The following WWOX variants were observed in gnomAD, a reference collection of about 807,000 sequenced individuals.
WWOX encodes WW domain-containing oxidoreductase.
A neutral mutation model predicts 46.2 loss-of-function variants in WWOX; 69 were observed. The ratio of observed to expected loss-of-function variants is 1.49; its 90% CI spans 1.23 to 1.82. WWOX has a LOEUF of 1.82. WWOX is among the 40% of genes most tolerant of loss of function. The pLI is 0.00. For synonymous variants in WWOX, 359 were observed against 202.6 expected, an observed-to-expected ratio of 1.77 and a Z score of -6.56; for missense variants, 919 against 542.6, an observed-to-expected ratio of 1.69 and a Z score of -6.89.
At chr16:78,835,585 T>C (rs8048649) in intron 8 of WWOX, among the ~76,000 whole-genome samples, 5,175 of 152,270 alleles carry the variant, frequency 0.034, 287 homozygotes, top group African/African-American at 0.12. Flanking sequence ...TCAGACCTTA[T>C]AGCAGTCCTA....
chr16:78,740,682 G>A (rs2049199335), intron 8 of WWOX, among the ~76,000 whole-genome samples: 1 of 152,140 alleles, frequency 6.6e-6, no homozygotes, highest in Admixed American at 6.6e-5. Flanking sequence ...TGTTATGGCT[G>A]CCAGTTGGCC....
At chr16:78,248,529 C>T (rs2037888281) in intron 5 of WWOX, among the ~76,000 whole-genome samples, 1 of 152,006 alleles carries the variant, frequency 6.6e-6, no homozygotes, top group Non-Finnish European at 1.5e-5. Context: ...TGAGCTCAGT[C>T]GTTTGAGACC....
intron 8 of WWOX, among the ~76,000 whole-genome samples, chr16:78,503,284 T>C (rs2085114158): frequency 6.6e-6 from 1 of 152,176 alleles, no homozygotes; most frequent in Admixed American, 6.5e-5. Flanking sequence ...CATTTCATTT[T>C]CACTGAACTG....
At chr16:78,597,427 G>T (rs997540624) in intron 8 of WWOX, among the ~76,000 whole-genome samples, 1 of 152,176 alleles carries the variant, frequency 6.6e-6, no homozygotes, top group Admixed American at 6.5e-5. Flanking sequence ...GCCCGCATCA[G>T]TGGGCGTTTT....
In WWOX at chr16:78,459,954, G is replaced by A. The variant is rs144109643; in HGVS notation, c.1056+27202G>A. ...CGGGTAGTTAGGGCTACAGGCACACGCCAGCACACCCAGCTAATTTTTTGT... is the reference window on the plus strand; with the variant it reads ...CGGGTAGTTAGGGCTACAGGCACACACCAGCACACCCAGCTAATTTTTTGT... On this transcript the variant is annotated intron_variant, in intron 8 of 8. Transcript: ENST00000566780. Among the ~76,000 whole-genome samples the A allele has an allele frequency of 4.2e-4, 64 of 151,634 alleles. 1 individual carries two copies. The highest frequency in any genetic ancestry group is 1.4e-3 in the African/African-American group (58 of 41,416).
At chr16:78,494,487 C>T (rs974088514) in intron 8 of WWOX, among the ~76,000 whole-genome samples, 2 of 148,748 alleles carry the variant, frequency 1.3e-5, no homozygotes, top group Non-Finnish European at 3.0e-5. Context: ...CAAACACAAG[C>T]ATTAAGCAAA....
chr16:79,164,927 A>G (rs1220585891), intron 8 of WWOX, among the ~76,000 whole-genome samples: 1 of 152,166 alleles, frequency 6.6e-6, no homozygotes, highest in South Asian at 2.1e-4. Context: ...CAAAGTGTGC[A>G]TAAAGATACC....
chr16:78,196,120 A>G (rs529014932), intron 5 of WWOX, among the ~76,000 whole-genome samples: 23 of 152,316 alleles, frequency 1.5e-4, no homozygotes, highest in South Asian at 2.1e-4. Flanking sequence ...GGAATTTACT[A>G]TGATGGCCTG....
intron 8 of WWOX, among the ~76,000 whole-genome samples, chr16:78,677,783 A>G (rs761480912): frequency 2.0e-5 from 3 of 152,204 alleles, no homozygotes; most frequent in Non-Finnish European, 2.9e-5. Flanking sequence ...CAGAGGAAAC[A>G]TGGGAACTGA....
At chr16:78,807,481 A>G (rs977198362) in intron 8 of WWOX, among the ~76,000 whole-genome samples, 2 of 152,240 alleles carry the variant, frequency 1.3e-5, no homozygotes, top group Non-Finnish European at 2.9e-5. Context: ...TGACAGCTAT[A>G]ACATCAAGGG....
intron 8 of WWOX, among the ~76,000 whole-genome samples, chr16:78,448,042 G>A (rs991525418): frequency 1.3e-5 from 2 of 152,108 alleles, no homozygotes; most frequent in Admixed American, 6.6e-5. Context: ...GACCTCAAGT[G>A]ATCTGCCTGC....
At chr16:78,636,512 T>C (rs961794954) in intron 8 of WWOX, among the ~76,000 whole-genome samples, 3 of 152,212 alleles carry the variant, frequency 2.0e-5, no homozygotes, top group Non-Finnish European at 4.4e-5. Context: ...TATCTTTTTT[T>C]TCCTAATAGA....
intron 5 of WWOX, among the ~76,000 whole-genome samples, chr16:78,173,353 A>C (rs544443598): frequency 1.3e-5 from 2 of 152,044 alleles, no homozygotes; most frequent in Non-Finnish European, 2.9e-5. Flanking sequence ...CAGTGGCACA[A>C]TGATGGTTCA....
At chr16:78,498,011 G>C (rs1303567858) in intron 8 of WWOX, among the ~76,000 whole-genome samples, 3 of 151,932 alleles carry the variant, frequency 2.0e-5, no homozygotes, top group South Asian at 2.1e-4. Flanking sequence ...GACCATCCTG[G>C]CTAACATGGT....
chr16:78,619,166 T>A (rs868790448), intron 8 of WWOX, among the ~76,000 whole-genome samples: 96 of 1,926 alleles, frequency 0.05, 36 homozygotes, highest in Middle Eastern at 0.17. Context: ...TATATATATA[T>A]ATATATATAT....
chr16:78,170,212 G>A (rs1458931627), intron 5 of WWOX, among the ~76,000 whole-genome samples: 1 of 152,160 alleles, frequency 6.6e-6, no homozygotes, highest in Admixed American at 6.5e-5. Context: ...TATAAAACAT[G>A]CTGTATTATA....
intron 8 of WWOX, among the ~76,000 whole-genome samples, chr16:78,840,166 G>A (rs2052099777): frequency 6.6e-6 from 1 of 152,128 alleles, no homozygotes; most frequent in Admixed American, 6.6e-5. Flanking sequence ...CCTCCCAGTT[G>A]ACCCTCAGTG....
chr16:78,667,459 A>G (rs569791807), intron 8 of WWOX, among the ~76,000 whole-genome samples: 11 of 152,064 alleles, frequency 7.2e-5, no homozygotes, highest in Admixed American at 5.9e-4. Context: ...TCACAAGGTC[A>G]GGAGTTCAAG....
intron 8 of WWOX, among the ~76,000 whole-genome samples, chr16:78,789,366 G>T (rs1269717126): frequency 1.3e-5 from 2 of 152,078 alleles, no homozygotes; most frequent in African/African-American, 2.4e-5. Flanking sequence ...TTTTGAATGT[G>T]AATATCCATT....
Sources: allele counts gnomAD v4.1 joint callset (sites outside exome capture counted in the v4.1 genomes callset), GRCh38; gene constraint gnomAD v4.1.1; transcripts MANE v1.5; gene names NCBI Gene and HGNC (gene_info 2026-07-23, HGNC 2026-07-21).